The following PPP2R2C variants were observed in gnomAD, a reference collection of about 807,000 sequenced individuals.
The protein encoded by PPP2R2C is protein phosphatase 2, regulatory subunit B, gamma.
In PPP2R2C, 10 loss-of-function variants were observed where a neutral mutation model predicts 45.3. The observed-to-expected ratio is 0.22, with a 90% CI of 0.14 to 0.37. The LOEUF is 0.37. PPP2R2C is among the 10% of genes least tolerant of loss of function. The pLI, the probability that PPP2R2C is intolerant of heterozygous loss-of-function variation, is 1.00. For synonymous variants in PPP2R2C, 257 were observed against 245.4 expected, an observed-to-expected ratio of 1.05 and a Z score of -0.44; for missense variants, 308 against 619.7, an observed-to-expected ratio of 0.50 and a Z score of 5.34.
At position 6,383,971 on chromosome 4, in the gene PPP2R2C, G is replaced by A. The variant is rs530927791; in HGVS notation, c.71-2877C>T. 1.7e-4 allele frequency: 163 copies of A among 986,212 alleles called. 1 individual carries two copies. Among genetic ancestry groups the A allele is most frequent in the East Asian group, 1.1e-4 (1 of 8,812 alleles). 61.1% of individuals were successfully genotyped at this position (986,212 alleles called of 1,614,324 possible). A position where few individuals can be genotyped will look rare whatever the true frequency, so the allele number is the denominator to read the frequency against. ...AGAGGGTGGTTAGAAGTGGGATGAC[G>A]GGCTGGACGTATCCATCCATCCATC... On this transcript the variant is annotated intron_variant, in intron 1 of 8. Transcript: ENST00000382599.
intron 4 of PPP2R2C, among the ~76,000 whole-genome samples, chr4:6,373,904 T>TGTGC: frequency 1.3e-5 from 1 of 74,746 alleles, no homozygotes; most frequent in South Asian, 5.2e-4. Context: ...TGCATGCATG[T>TGTGC]GTGTGTGTGT....
intron 2 of PPP2R2C, among the ~76,000 whole-genome samples, chr4:6,478,040 A>G (rs926819637): frequency 1.7e-4 from 26 of 152,086 alleles, no homozygotes; most frequent in African/African-American, 6.0e-4. Flanking sequence ...TCTGGCCCCA[A>G]CTGCGTCTCC....
exon 2 of PPP2R2C, chr4:6,535,328 A>G: frequency 6.5e-7 from 1 of 1,535,284 alleles, no homozygotes; most frequent in Admixed American, 2.0e-5. Context: ...ATCCTGAGAG[A>G]GGTGACTAAC....
chr4:6,346,185 C>A (rs192766960), intron 6 of PPP2R2C, among the ~76,000 whole-genome samples: 2 of 152,214 alleles, frequency 1.3e-5, no homozygotes, highest in Non-Finnish European at 1.5e-5. Context: ...CGACCTCTGA[C>A]GCCTGCTCCC....
intron 1 of PPP2R2C, among the ~76,000 whole-genome samples, chr4:6,438,268 T>C (rs778398683): frequency 3.3e-5 from 5 of 152,310 alleles, no homozygotes; most frequent in Non-Finnish European, 5.9e-5. Context: ...AAAAGTTAGG[T>C]TGGTTCAAAC....
chr4:6,506,786 G>A (rs1002741549), intron 2 of PPP2R2C, among the ~76,000 whole-genome samples: 1 of 152,156 alleles, frequency 6.6e-6, no homozygotes, highest in Non-Finnish European at 1.5e-5. Flanking sequence ...TCATCTGAAG[G>A]CCCAACTGGG....
chr4:6,356,688 G>A (rs1196113919), intron 5 of PPP2R2C, among the ~76,000 whole-genome samples: 4 of 152,260 alleles, frequency 2.6e-5, no homozygotes, highest in African/African-American at 9.6e-5. Flanking sequence ...CGCTCTGTAG[G>A]TGAGCTGCTG....
chr4:6,358,757 C>T (rs1229457905), intron 5 of PPP2R2C, among the ~76,000 whole-genome samples: 2 of 152,234 alleles, frequency 1.3e-5, no homozygotes, highest in Non-Finnish European at 1.5e-5. Context: ...GCTATCATCA[C>T]TGGTCATCAG....
chr4:6,323,474 C>T lies in PPP2R2C; in HGVS notation c.1172G>A (p.Arg391Gln), dbSNP rs1175331044. ...GCGCTTGCCCCCCACGCACACGCGC[C>T]GTGGCTTGAGCACAGCCCGGGGCTT... is the stretch of plus-strand genomic sequence containing the variant. ...SSKPRAVLKP[R>Q]RVCVGGKRRR... The change falls in exon 9 of 9, where the codon CGG becomes CAG. Residue 391 changes from arginine (R) to glutamine (Q), a missense_variant. Arg to Gln is a conservative substitution (Grantham distance 43, BLOSUM62 1). Coordinates refer to ENST00000382599, the MANE Select transcript of PPP2R2C (RefSeq NM_020416.4). 3 of 1,612,538 alleles carry T rather than the reference C, an allele frequency of 1.9e-6. No individual in the cohort carries two copies. The highest frequency in any genetic ancestry group is 2.5e-6 in the Non-Finnish European group (3 of 1,178,826).
At chr4:6,397,417 G>A (rs560689422) in intron 1 of PPP2R2C, among the ~76,000 whole-genome samples, 1 of 152,358 alleles carries the variant, frequency 6.6e-6, no homozygotes, top group Admixed American at 6.5e-5. Context: ...GATGCTCCCT[G>A]CGCTGCGGGG....
chr4:6,554,859 CAA>C (rs1176130638), intron 1 of PPP2R2C, among the ~76,000 whole-genome samples: 3 of 30,262 alleles, frequency 9.9e-5, no homozygotes, highest in Non-Finnish European at 1.3e-4. Context: ...GACTCCATCT[CAA>C]AAAAAAAAAA....
intron 1 of PPP2R2C, among the ~76,000 whole-genome samples, chr4:6,544,562 C>A (rs779556142): frequency 6.6e-6 from 1 of 152,150 alleles, no homozygotes; most frequent in Non-Finnish European, 1.5e-5. Flanking sequence ...GTCTCTAACT[C>A]CTGGCCTCAA....
intron 1 of PPP2R2C, among the ~76,000 whole-genome samples, chr4:6,467,382 G>A (rs538917322): frequency 6.6e-6 from 1 of 152,174 alleles, no homozygotes; most frequent in South Asian, 2.1e-4. Flanking sequence ...GATCTATTAA[G>A]AATAAACTGA....
At chr4:6,346,592 T>C (rs1278406735) in intron 6 of PPP2R2C, among the ~76,000 whole-genome samples, 6 of 152,154 alleles carry the variant, frequency 3.9e-5, no homozygotes, top group African/African-American at 1.2e-4. Context: ...AATAGGCGCC[T>C]ACTGAATGCC....
At chr4:6,542,841 T>C (rs1037075751) in intron 1 of PPP2R2C, among the ~76,000 whole-genome samples, 1 of 152,192 alleles carries the variant, frequency 6.6e-6, no homozygotes, top group Non-Finnish European at 1.5e-5. Flanking sequence ...GTGCTTCCAC[T>C]GTAAAGTTTA....
chr4:6,358,055 T>C (rs971789313), intron 5 of PPP2R2C, among the ~76,000 whole-genome samples: 2 of 152,232 alleles, frequency 1.3e-5, no homozygotes, highest in African/African-American at 4.8e-5. Flanking sequence ...AGAACAAAGC[T>C]GGAGGCATCA....
chr4:6,463,526 T>C (rs576483636), intron 1 of PPP2R2C, among the ~76,000 whole-genome samples: 1 of 152,322 alleles, frequency 6.6e-6, no homozygotes, highest in African/African-American at 2.4e-5. Flanking sequence ...TGGAGGACAA[T>C]GGCCCCCACT....
At chr4:6,540,313 C>T (rs1724767687) in intron 1 of PPP2R2C, among the ~76,000 whole-genome samples, 1 of 152,182 alleles carries the variant, frequency 6.6e-6, no homozygotes, top group Non-Finnish European at 1.5e-5. Context: ...GAATCATACA[C>T]TATGTGGTCT....
chr4:6,398,780 G>T (rs4689433), intron 1 of PPP2R2C, among the ~76,000 whole-genome samples: 34,882 of 151,998 alleles, frequency 0.23, 4,759 homozygotes, highest in South Asian at 0.33. Flanking sequence ...AACTCACAAA[G>T]GTGCATACGT....
Sources: gnomAD v4.1 joint callset for allele counts (sites outside exome capture counted in the v4.1 genomes callset) on GRCh38, gnomAD v4.1.1 for gene constraint, MANE v1.5 for transcripts, NCBI Gene and HGNC (gene_info 2026-07-23, HGNC 2026-07-21) for gene names.